Variants in PHTF2 observed in about 807,000 individuals in gnomAD.
PHTF2 encodes protein PHTF2.
PHTF2 carries 60 observed loss-of-function variants against 101.2 expected under a neutral mutation model. That is an observed-to-expected ratio of 0.59 (90% confidence interval 0.48 to 0.73). The LOEUF is 0.73. PHTF2 is among the 30% of genes least tolerant of loss of function. The pLI, the probability that PHTF2 is intolerant of heterozygous loss-of-function variation, is 0.00. For synonymous variants in PHTF2, 311 were observed against 307.3 expected (o/e 1.01, Z -0.13); for missense variants, 747 against 908.7 (o/e 0.82, Z 2.29).
chr7:77,841,074 A>ATTTTTTTTTTTTTTTTTTT (rs1562863302), intron 2 of PHTF2, among the ~76,000 whole-genome samples: 1 of 51,416 alleles, frequency 1.9e-5, no homozygotes, highest in African/African-American at 1.8e-4. Context: ...GAAAAAACAG[A>ATTTTTTTTTTTTTTTTTTT]CTTTTTTTTT....
intron 1 of PHTF2, among the ~76,000 whole-genome samples, chr7:77,833,767 A>G (rs972357029): frequency 3.9e-5 from 6 of 152,202 alleles, no homozygotes; most frequent in South Asian, 2.1e-4. Context: ...TTGATGTTAC[A>G]GTGAGCTATG....
intron 16 of PHTF2, among the ~76,000 whole-genome samples, chr7:77,948,123 A>C (rs1313917759): frequency 6.6e-6 from 1 of 151,910 alleles, no homozygotes; most frequent in Non-Finnish European, 1.5e-5. Context: ...TACAGGCGTG[A>C]GCCACTATGC....
At chr7:77,849,755 T>A (rs1796588888) in intron 2 of PHTF2, among the ~76,000 whole-genome samples, 1 of 152,210 alleles carries the variant, frequency 6.6e-6, no homozygotes, top group Non-Finnish European at 1.5e-5. Flanking sequence ...AGGTATCTTA[T>A]TTTATCTGCA....
chr7:77,880,174 CAT>C (rs1399401857), intron 3 of PHTF2, among the ~76,000 whole-genome samples: 42 of 152,252 alleles, frequency 2.8e-4, no homozygotes, highest in Non-Finnish European at 7.4e-5. Flanking sequence ...ATTTTAAAAA[CAT>C]AATTTTATGA....
chr7:77,885,733 C>G (rs1451345415), intron 3 of PHTF2, among the ~76,000 whole-genome samples: 1 of 152,212 alleles, frequency 6.6e-6, no homozygotes, highest in Non-Finnish European at 1.5e-5. Flanking sequence ...ATGTGAGCCA[C>G]TGTGCCTAGC....
chr7:77,800,816 C>T lies in PHTF2; in HGVS notation c.-36+1845C>T, dbSNP rs1400759032. The stretch of plus-strand genomic sequence containing the variant: ...CTGTGAGATGGGTACTGATTACTGT[C>T]ATTTTATAGATGAGCAAACCAAGAC... On this transcript the variant is annotated intron_variant, in intron 1 of 19. Transcript: ENST00000416283. 3.3e-5 allele frequency among the ~76,000 whole-genome samples: 5 copies of T among 152,136 alleles called. No individual in the cohort carries two copies. The South Asian group carries it at 1.0e-3, about 32-fold the overall frequency.
At chr7:77,810,572 C>G (rs1793358679) in intron 1 of PHTF2, among the ~76,000 whole-genome samples, 1 of 152,166 alleles carries the variant, frequency 6.6e-6, no homozygotes, top group Non-Finnish European at 1.5e-5. Flanking sequence ...AAGTCTTGCT[C>G]TGTCGTCCAG....
At chr7:77,892,966 A>G (rs779235998) in intron 3 of PHTF2, among the ~76,000 whole-genome samples, 5 of 152,228 alleles carry the variant, frequency 3.3e-5, no homozygotes, top group Non-Finnish European at 7.3e-5. Context: ...AAATAATGCC[A>G]TAAAGAATTT....
At chr7:77,908,822 T>A (rs757234620) in exon 8 of PHTF2, 3 of 1,609,922 alleles carry the variant, frequency 1.9e-6, no homozygotes, top group Non-Finnish European at 2.5e-6. Flanking sequence ...CTGCTCCACT[T>A]CTAGCCCACA....
chr7:77,851,483 G>T (rs1796756885), intron 2 of PHTF2, among the ~76,000 whole-genome samples: 1 of 151,394 alleles, frequency 6.6e-6, no homozygotes, highest in Non-Finnish European at 1.5e-5. Context: ...ATATTTATTT[G>T]TGTCTTCTTT....
intron 2 of PHTF2, among the ~76,000 whole-genome samples, chr7:77,844,482 G>T (rs1465745138): frequency 6.6e-6 from 1 of 152,196 alleles, no homozygotes; most frequent in Non-Finnish European, 1.5e-5. Context: ...AATGCGTACA[G>T]AAATTCTACT....
At chr7:77,885,344 G>T (rs1055566725) in intron 3 of PHTF2, among the ~76,000 whole-genome samples, 2 of 152,150 alleles carry the variant, frequency 1.3e-5, no homozygotes, top group African/African-American at 4.8e-5. Context: ...TGATCCTCCT[G>T]CCTTGGCCTT....
intron 17 of PHTF2, among the ~76,000 whole-genome samples, chr7:77,951,213 A>T (rs908257610): frequency 1.3e-5 from 2 of 152,216 alleles, no homozygotes; most frequent in African/African-American, 4.8e-5. Context: ...CTGAGATGAG[A>T]GGATCACTTG....
At chr7:77,905,530 T>A (rs905534489) in intron 7 of PHTF2, among the ~76,000 whole-genome samples, 5 of 143,400 alleles carry the variant, frequency 3.5e-5, no homozygotes, top group African/African-American at 1.3e-4. Context: ...CCACAGTTTC[T>A]CTCTGTTGCT....
At chr7:77,938,402 A>T (rs1369607941) in intron 13 of PHTF2, among the ~76,000 whole-genome samples, 1 of 152,174 alleles carries the variant, frequency 6.6e-6, no homozygotes, top group Non-Finnish European at 1.5e-5. Flanking sequence ...TTTATTTTCT[A>T]TTATTTCTTT....
intron 2 of PHTF2, among the ~76,000 whole-genome samples, chr7:77,845,171 T>C (rs1308226882): frequency 3.9e-5 from 6 of 152,198 alleles, no homozygotes; most frequent in Non-Finnish European, 1.5e-5. Context: ...ATTACATGTA[T>C]TGAAAGATAA....
At chr7:77,890,894 C>T (rs929624799) in intron 3 of PHTF2, among the ~76,000 whole-genome samples, 1 of 148,374 alleles carries the variant, frequency 6.7e-6, no homozygotes, top group Admixed American at 6.7e-5. Context: ...CGTGAGCCAC[C>T]GCACCCGGCC....
intron 1 of PHTF2, among the ~76,000 whole-genome samples, chr7:77,801,107 G>A (rs1450123273): frequency 6.6e-6 from 1 of 152,138 alleles, no homozygotes; most frequent in Non-Finnish European, 1.5e-5. Context: ...GAAGATAAAG[G>A]GATGGAGTCA....
intron 3 of PHTF2, among the ~76,000 whole-genome samples, chr7:77,866,693 G>T (rs993334871): frequency 3.9e-5 from 6 of 152,046 alleles, no homozygotes; most frequent in Non-Finnish European, 8.8e-5. Flanking sequence ...TGAATGAATA[G>T]CAATAATATG....
Sources: allele counts gnomAD v4.1 joint callset (sites outside exome capture counted in the v4.1 genomes callset), GRCh38; gene constraint gnomAD v4.1.1; transcripts MANE v1.5; gene names NCBI Gene and HGNC (gene_info 2026-07-23, HGNC 2026-07-21).